The following TMEM255B variants were observed in gnomAD, a reference collection of about 807,000 sequenced individuals.
TMEM255B encodes transmembrane protein 255B.
Under a neutral mutation model 34.5 loss-of-function variants are expected in TMEM255B, and 35 were observed. That is an observed-to-expected ratio of 1.01 (90% CI 0.77 to 1.34). TMEM255B has a LOEUF of 1.34. TMEM255B is among the 40% of genes most tolerant of loss of function. The probability of loss-of-function intolerance (pLI) is 0.00; values close to 1 mark genes in which losing one functional copy is unlikely to be tolerated. For missense variants in TMEM255B, 432 were observed against 433.2 expected, an observed-to-expected ratio of 1.00 and a Z score of 0.02; for synonymous variants, 206 against 201.2, an observed-to-expected ratio of 1.02 and a Z score of -0.20.
Position 113,806,631 on chromosome 13 carries a change from G to A in TMEM255B, c.813+1603G>A, listed in dbSNP as rs148389168. The stretch of plus-strand genomic sequence containing the variant: ...CAGCGACCCTGCAGTGGTCACTCCT[G>A]CAGGCAGGCGCGTCTGCTTGGTGCC... On this transcript the variant is annotated intron_variant, in intron 8 of 8. Coordinates refer to ENST00000375353, the MANE Select transcript of TMEM255B (RefSeq NM_182614.4). The surrounding 1 kb of genome is among the most constrained non-coding windows in gnomAD (Gnocchi z 4.2). Among the ~76,000 whole-genome samples the A allele has an allele frequency of 0.01, 1,587 of 152,274 alleles. 23 individuals carry two copies. Among genetic ancestry groups the A allele is most frequent in the Non-Finnish European group, 0.015 (1,050 of 68,002 alleles).
chr13:113,791,791 G>A (rs904952911), intron 3 of TMEM255B, among the ~76,000 whole-genome samples: 1 of 152,220 alleles, frequency 6.6e-6, no homozygotes, highest in Non-Finnish European at 1.5e-5. Context: ...TGGGAATTGT[G>A]CCCAACAGAA....
intron 3 of TMEM255B, among the ~76,000 whole-genome samples, chr13:113,775,100 GCA>G (rs2050553525): frequency 8.2e-6 from 1 of 122,228 alleles, no homozygotes; most frequent in African/African-American, 3.3e-5. Context: ...ACCACACACA[GCA>G]CACAACACAC....
intron 3 of TMEM255B, among the ~76,000 whole-genome samples, chr13:113,774,765 ACACACAAC>A (rs2050540203): frequency 7.0e-6 from 1 of 142,610 alleles, no homozygotes; most frequent in African/African-American, 2.7e-5. Flanking sequence ...ACCACACACC[ACACACAAC>A]ACACAATACA....
At chr13:113,775,176 T>TA (rs1158781783) in intron 3 of TMEM255B, among the ~76,000 whole-genome samples, 1 of 145,726 alleles carries the variant, frequency 6.9e-6, no homozygotes, top group African/African-American at 2.6e-5. Flanking sequence ...GCACACCACA[T>TA]ACACTACACA....
At chr13:113,759,447 C>G (rs922569538) in intron 1 of TMEM255B, 132 bp downstream of exon 1, 1 of 812,554 alleles carries the variant, frequency 1.2e-6, no homozygotes, top group African/African-American at 1.8e-5. Context: ...GGTCCCTCCG[C>G]CTCCTTCGAG....
chr13:113,774,570 C>CAA (rs1361864271), intron 3 of TMEM255B, among the ~76,000 whole-genome samples: 1 of 143,968 alleles, frequency 6.9e-6, no homozygotes, highest in Non-Finnish European at 1.5e-5. Flanking sequence ...ACACAACACA[C>CAA]ATGACACACA....
In TMEM255B at chr13:113,814,879, G is replaced by C. The variant is rs2051385647; in HGVS notation, c.*2976G>C. ...GGGGCAGGGGGTGCTGGGGGGTTTG[G>C]GGGTGCTGTGGCCCCGGGGCAGGGG... On this transcript the variant is annotated 3_prime_UTR_variant, in exon 9 of 9. Coordinates refer to ENST00000375353, the MANE Select transcript of TMEM255B (RefSeq NM_182614.4). 1 of 150,610 alleles carries C rather than the reference G, an allele frequency of 6.6e-6. No individual in the cohort carries two copies. The highest frequency in any genetic ancestry group is 1.5e-5 in the Non-Finnish European group (1 of 67,674). 9.3% of individuals were successfully genotyped at this position (150,610 alleles called of 1,614,324 possible). A position where few individuals can be genotyped will look rare whatever the true frequency, so the allele number is the denominator to read the frequency against.
intron 4 of TMEM255B, among the ~76,000 whole-genome samples, chr13:113,798,218 G>A (rs144944778): frequency 7.2e-5 from 11 of 152,008 alleles, no homozygotes; most frequent in African/African-American, 2.7e-4. Flanking sequence ...TGAATGGAAG[G>A]ATGGGTGATG....
At chr13:113,800,057 A>G in intron 5 of TMEM255B, 1 of 1,189,404 alleles carries the variant, frequency 8.4e-7, no homozygotes, top group Non-Finnish European at 1.1e-6. Flanking sequence ...AGCTGCCGGG[A>G]GGCATCGTGT....
At chr13:113,809,133 G>A (rs2051250375) in intron 8 of TMEM255B, among the ~76,000 whole-genome samples, 1 of 118,948 alleles carries the variant, frequency 8.4e-6, no homozygotes, top group Admixed American at 8.3e-5. Flanking sequence ...TGGTTCCTGG[G>A]GGGAGGGGTT....
At chr13:113,773,811 T>G (rs2050514681) in intron 3 of TMEM255B, among the ~76,000 whole-genome samples, 1 of 152,200 alleles carries the variant, frequency 6.6e-6, no homozygotes, top group Non-Finnish European at 1.5e-5. Context: ...TTTGAGCCAA[T>G]GCACATGAGA....
intron 8 of TMEM255B, 67 bp from the exon 9 acceptor site, chr13:113,811,669 G>T (rs1386581561): frequency 6.3e-7 from 1 of 1,587,260 alleles, no homozygotes; most frequent in African/African-American, 1.3e-5. Context: ...GTATATGTCA[G>T]GCTTCCCTGT....
chr13:113,814,041 T>C lies in TMEM255B; in HGVS notation c.*2138T>C, dbSNP rs1451727776. The C allele has an allele frequency of 6.6e-6, 1 of 152,070 alleles. No homozygotes were observed. The highest frequency in any genetic ancestry group is 1.5e-5 in the Non-Finnish European group (1 of 68,022). The allele number at this position is 152,070 out of a possible 1,614,324, so 9.4% of individuals were successfully genotyped here. The stretch of plus-strand genomic sequence containing the variant: ...TGGGGGAAGAAAAGTGTGCCACGGA[T>C]TTCCCGAGTCCCCAGGGCTCTCACT... On this transcript the variant is annotated 3_prime_UTR_variant, in exon 9 of 9. Transcript: ENST00000375353.
At chr13:113,764,554 TCTGCCCG>T (rs2050358499) in intron 1 of TMEM255B, among the ~76,000 whole-genome samples, 1 of 152,194 alleles carries the variant, frequency 6.6e-6, no homozygotes, top group Non-Finnish European at 1.5e-5. Flanking sequence ...GGCTCTGCCC[TCTGCCCG>T]CTGCCTGTGG....
At chr13:113,790,342 A>G (rs367783707) in intron 3 of TMEM255B, among the ~76,000 whole-genome samples, 140 of 69,858 alleles carry the variant, frequency 2.0e-3, no homozygotes, top group Middle Eastern at 0.013. Context: ...GACCGGACAC[A>G]TAGACATCCT....
At chr13:113,759,429 C>A in intron 1 of TMEM255B, 114 bp downstream of exon 1, 1 of 980,434 alleles carries the variant, frequency 1.0e-6, no homozygotes, top group Non-Finnish European at 1.3e-6. Flanking sequence ...AGACGCGGCA[C>A]GGGGTCTGGT....
At chr13:113,799,911 G>A in intron 5 of TMEM255B, 2 of 1,260,376 alleles carry the variant, frequency 1.6e-6, no homozygotes, top group Non-Finnish European at 1.1e-6. Flanking sequence ...CTCTCTGTGT[G>A]TCTCGCACCT....
intron 6 of TMEM255B, 96 bp downstream of exon 6, chr13:113,801,008 G>A: frequency 8.3e-7 from 1 of 1,199,826 alleles, no homozygotes; most frequent in Middle Eastern, 2.8e-4. Flanking sequence ...AGGGGCGCTG[G>A]GGACCCCTAT....
At chr13:113,804,372 C>T (rs1454798669) in intron 7 of TMEM255B, among the ~76,000 whole-genome samples, 1 of 152,198 alleles carries the variant, frequency 6.6e-6, no homozygotes, top group Non-Finnish European at 1.5e-5. Flanking sequence ...CTGAGAGGGC[C>T]CTCCCCACCT....
Sources: allele counts gnomAD v4.1 joint callset (sites outside exome capture counted in the v4.1 genomes callset), GRCh38; gene constraint gnomAD v4.1.1; non-coding constraint Gnocchi (gnomAD v3.1); transcripts MANE v1.5; gene names NCBI Gene and HGNC (gene_info 2026-07-23, HGNC 2026-07-21).